Variants in ERAP1 observed in about 807,000 individuals in gnomAD.
ERAP1 encodes adipocyte-derived leucine aminopeptidase.
A neutral mutation model predicts 103.7 loss-of-function variants in ERAP1; 86 were observed. The observed-to-expected ratio is 0.83, with a 90% CI of 0.70 to 0.99. The LOEUF (loss-of-function observed/expected upper bound fraction) is 0.99, where lower values mean the gene tolerates loss of function less well. ERAP1 is among the 50% of genes least tolerant of loss of function. ERAP1 has a pLI of 0.00. For synonymous variants in ERAP1, 398 were observed against 402.4 expected (o/e 0.99, Z 0.13); for missense variants, 1,009 against 1,128.4 (o/e 0.89, Z 1.52).
intron 15 of ERAP1, among the ~76,000 whole-genome samples, chr5:96,782,567 T>C (rs1475433981): frequency 2.0e-5 from 3 of 152,192 alleles, no homozygotes; most frequent in Admixed American, 2.0e-4. Context: ...TGTAGGTTGT[T>C]GGCATAAATG....
chr5:96,828,246 T>A, the ERAP1 span, among the ~76,000 whole-genome samples: 1 of 152,152 alleles, frequency 6.6e-6, no homozygotes, highest in Non-Finnish European at 1.5e-5. Context: ...CTTTTGTGGG[T>A]CATTACATTT....
At chr5:96,881,172 A>C in the ERAP1 span, 135 of 318,236 alleles carry the variant, frequency 4.2e-4, no homozygotes, top group South Asian at 3.2e-3. Flanking sequence ...TGAAATGGGA[A>C]ATCACTGGAG....
At chr5:96,902,734 T>A in the ERAP1 span, 1 of 173,294 alleles carries the variant, frequency 5.8e-6, no homozygotes, top group African/African-American at 2.4e-5. Flanking sequence ...TCTCACTTAT[T>A]AGATGTGTGA....
chr5:96,837,063 A>G, the ERAP1 span, among the ~76,000 whole-genome samples: 3 of 152,210 alleles, frequency 2.0e-5, no homozygotes, highest in African/African-American at 7.2e-5. Context: ...GAGAAAATGA[A>G]TTGGAGAGGA....
At chr5:96,860,262 C>T in the ERAP1 span, among the ~76,000 whole-genome samples, 1 of 152,058 alleles carries the variant, frequency 6.6e-6, no homozygotes, top group African/African-American at 2.4e-5. Context: ...CCATGTTGGC[C>T]AGGCTGGTCT....
chr5:96,898,508 G>A, the ERAP1 span, among the ~76,000 whole-genome samples: 73,965 of 148,526 alleles, frequency 0.5, 18,573 homozygotes, highest in Middle Eastern at 0.57. Flanking sequence ...TTGGGAGACC[G>A]AGGTGGGCAA....
the ERAP1 span, among the ~76,000 whole-genome samples, chr5:96,818,508 A>T: frequency 6.6e-6 from 1 of 151,398 alleles, no homozygotes; most frequent in Non-Finnish European, 1.5e-5. Flanking sequence ...GCTATGGGTG[A>T]TGGCTGAGAG....
the ERAP1 span, among the ~76,000 whole-genome samples, chr5:96,864,515 TA>T: frequency 2.0e-5 from 3 of 151,300 alleles, no homozygotes; most frequent in African/African-American, 4.8e-5. Flanking sequence ...ATCACATTGG[TA>T]AAAAAAAATA....
the ERAP1 span, chr5:96,896,405 A>T: frequency 6.2e-7 from 1 of 1,611,900 alleles, no homozygotes; most frequent in East Asian, 2.2e-5. Flanking sequence ...GTTTTGAAGT[A>T]ATTACAAAAG....
At chr5:96,816,391 A>G in the ERAP1 span, among the ~76,000 whole-genome samples, 1 of 152,170 alleles carries the variant, frequency 6.6e-6, no homozygotes, top group Non-Finnish European at 1.5e-5. Flanking sequence ...ACAGAAAGGA[A>G]CAATGTTCAC....
At chr5:96,889,346 T>C in the ERAP1 span, 1 of 1,610,876 alleles carries the variant, frequency 6.2e-7, no homozygotes, top group Admixed American at 1.7e-5. Context: ...TTTTTGCTCA[T>C]AAAACTTGCT....
At chr5:96,877,723 G>A in the ERAP1 span, among the ~76,000 whole-genome samples, 1 of 127,678 alleles carries the variant, frequency 7.8e-6, no homozygotes, top group Non-Finnish European at 1.7e-5. Context: ...CACATAATAA[G>A]CCACTCCATT....
intron 3 of ERAP1, 138 bp from the exon 4 acceptor site, chr5:96,797,447 T>A: frequency 1.1e-6 from 1 of 919,398 alleles, no homozygotes; most frequent in Non-Finnish European, 1.7e-6. Flanking sequence ...GGCAGAATGC[T>A]TGAGCTCAGG....
the ERAP1 span, among the ~76,000 whole-genome samples, chr5:96,904,687 A>C: frequency 1.3e-5 from 2 of 152,234 alleles, no homozygotes; most frequent in Non-Finnish European, 2.9e-5. Context: ...ATTGAAGAGA[A>C]GATAGATTAA....
At chr5:96,933,778 A>G in the ERAP1 span, among the ~76,000 whole-genome samples, 1 of 152,356 alleles carries the variant, frequency 6.6e-6, no homozygotes, top group Non-Finnish European at 1.5e-5. Flanking sequence ...TATAGAGAAG[A>G]GCGTCTTATT....
At chr5:96,924,824 C>G in the ERAP1 span, among the ~76,000 whole-genome samples, 2 of 152,154 alleles carry the variant, frequency 1.3e-5, no homozygotes, top group African/African-American at 4.8e-5. Flanking sequence ...TCTTGAACTC[C>G]TGACCTCAGG....
At chr5:96,871,131 G>T in the ERAP1 span, among the ~76,000 whole-genome samples, 1 of 152,082 alleles carries the variant, frequency 6.6e-6, no homozygotes, top group Non-Finnish European at 1.5e-5. Context: ...ATGAACTCTG[G>T]TTTCCTTGCT....
At chr5:96,852,041 C>G in the ERAP1 span, among the ~76,000 whole-genome samples, 15 of 152,186 alleles carry the variant, frequency 9.9e-5, no homozygotes, top group Non-Finnish European at 1.6e-4. Flanking sequence ...AAATAGCCCC[C>G]AACCCCAAAA....
the ERAP1 span, chr5:96,814,297 A>G: frequency 2.2e-6 from 1 of 456,212 alleles, no homozygotes; most frequent in Non-Finnish European, 4.4e-6. Context: ...AGCAAGTCAC[A>G]GGTTTCTCTC....
Sources: gnomAD v4.1 joint callset for allele counts (sites outside exome capture counted in the v4.1 genomes callset) on GRCh38, gnomAD v4.1.1 for gene constraint, MANE v1.5 for transcripts, NCBI Gene and HGNC (gene_info 2026-07-23, HGNC 2026-07-21) for gene names.